Variants in CDK5RAP2 observed in about 807,000 individuals in gnomAD.
CDK5RAP2 encodes the protein CDK5 regulatory subunit-associated protein 2.
A neutral mutation model predicts 232.9 loss-of-function variants in CDK5RAP2; 147 were observed. That is an observed-to-expected ratio of 0.63 (90% confidence interval 0.55 to 0.72). The LOEUF (loss-of-function observed/expected upper bound fraction) is 0.72, where lower values mean the gene tolerates loss of function less well. Ranked by LOEUF, CDK5RAP2 falls within the 30% of genes least tolerant of loss-of-function variation. The pLI, the probability that CDK5RAP2 is intolerant of heterozygous loss-of-function variation, is 0.00. For synonymous variants in CDK5RAP2, 833 were observed against 833.7 expected, an observed-to-expected ratio of 1.00 and a Z score of 0.01; for missense variants, 2,195 against 2,231.5, an observed-to-expected ratio of 0.98 and a Z score of 0.33.
intron 12 of CDK5RAP2, among the ~76,000 whole-genome samples, chr9:120,507,494 G>C (rs948228096): frequency 7.9e-5 from 12 of 152,050 alleles, no homozygotes; most frequent in Non-Finnish European, 1.5e-4. Flanking sequence ...GAAGCTCTAG[G>C]ATTAGGAATA....
At chr9:120,443,481 G>C (rs970122794) in intron 23 of CDK5RAP2, 139 bp downstream of exon 23, 58 of 1,033,500 alleles carry the variant, frequency 5.6e-5, no homozygotes, top group Non-Finnish European at 8.4e-5. Flanking sequence ...TAAAACCTCA[G>C]CTTCCCATGT....
chr9:120,429,490 G>C (rs1411899010), intron 25 of CDK5RAP2, among the ~76,000 whole-genome samples: 1 of 152,134 alleles, frequency 6.6e-6, no homozygotes, highest in East Asian at 1.9e-4. Flanking sequence ...GCCAAATCAT[G>C]AGTGAACTCC....
chr9:120,518,761 T>C (rs747877419), intron 11 of CDK5RAP2, 116 bp from the exon 12 acceptor site: 42 of 775,658 alleles, frequency 5.4e-5, no homozygotes, highest in Admixed American at 3.3e-4. Context: ...AAGATTAACA[T>C]AGACAACATT....
At chr9:120,500,075 G>C (rs942278351) in intron 12 of CDK5RAP2, among the ~76,000 whole-genome samples, 1 of 152,202 alleles carries the variant, frequency 6.6e-6, no homozygotes, top group African/African-American at 2.4e-5. Flanking sequence ...ATAATACGGA[G>C]CTTCCAACTT....
At chr9:120,401,109 A>C in intron 34 of CDK5RAP2, 1 of 559,292 alleles carries the variant, frequency 1.8e-6, no homozygotes, top group Non-Finnish European at 3.2e-6. Context: ...AACCATGATT[A>C]ATAACCACCA....
At chr9:120,404,970 C>A (rs939599356) in intron 32 of CDK5RAP2, among the ~76,000 whole-genome samples, 2 of 152,136 alleles carry the variant, frequency 1.3e-5, no homozygotes, top group African/African-American at 2.4e-5. Flanking sequence ...GACCAAGGGG[C>A]AGAGATAGAA....
chr9:120,557,982 T>G (rs1314399457), intron 3 of CDK5RAP2, among the ~76,000 whole-genome samples: 1 of 149,216 alleles, frequency 6.7e-6, no homozygotes, highest in Non-Finnish European at 1.5e-5. Context: ...GCCAGGCTGA[T>G]CTCGAACTCC....
chr9:120,412,499 GA>G (rs1368793573), intron 28 of CDK5RAP2, among the ~76,000 whole-genome samples: 3 of 152,194 alleles, frequency 2.0e-5, no homozygotes, highest in Non-Finnish European at 4.4e-5. Flanking sequence ...AAGAGGACAG[GA>G]AAAAGCCCCA....
rs537558938 is a variant in CDK5RAP2, at chr9:120,545,744, T to C, written c.353A>G (p.Gln118Arg). 6 of 1,613,930 alleles carry C rather than the reference T, an allele frequency of 3.7e-6. No individual in the cohort carries two copies. In the South Asian group the frequency reaches 6.6e-5, roughly 18 times the overall value. ...VEVESLKREL[Q>R]EREQLLIKAS... The stretch of plus-strand genomic sequence containing the variant: ...TTTGATGAGCAGCTGCTCTCTCTCC[T>C]GGAGTTCCCGCTTCAGACTTTCTAC... The change falls in exon 5 of 38, where the codon CAG (glutamine) becomes CGG (arginine). Residue 118 changes from glutamine to arginine, a missense_variant. By Grantham distance (43) the Gln-to-Arg change is conservative. Coordinates refer to ENST00000349780, the MANE Select transcript of CDK5RAP2 (RefSeq NM_018249.6).
rs2034516085 is a variant in CDK5RAP2 at position 120,420,720 on chromosome 9, GAGCTCAGACAAC to G, written c.4005-772_4005-761del. ...CAACAGCCACAGTCTCATTATTCAT[GAGCTCAGACAAC>G]AGCAAAGACTCTAAGGCTGCAATGC... On this transcript the variant is annotated intron_variant, in intron 26 of 37. Coordinates refer to ENST00000349780, the MANE Select transcript of CDK5RAP2 (RefSeq NM_018249.6). Among the ~76,000 whole-genome samples, 7 of 152,166 alleles carry G rather than the reference GAGCTCAGACAAC, an allele frequency of 4.6e-5. No homozygotes were observed. In the South Asian group the frequency reaches 1.5e-3, roughly 32 times the overall value.
intron 35 of CDK5RAP2, among the ~76,000 whole-genome samples, chr9:120,394,957 A>G (rs1305896414): frequency 6.6e-6 from 1 of 152,246 alleles, no homozygotes; most frequent in South Asian, 2.1e-4. Flanking sequence ...ATTTCCCCCA[A>G]GGAATAATAA....
At chr9:120,429,624 G>A (rs1288808686) in intron 25 of CDK5RAP2, among the ~76,000 whole-genome samples, 1 of 152,126 alleles carries the variant, frequency 6.6e-6, no homozygotes, top group South Asian at 2.1e-4. Flanking sequence ...ACAAACAAAT[G>A]GAAGAACATT....
At chr9:120,548,821 A>G (rs1238864307) in intron 4 of CDK5RAP2, among the ~76,000 whole-genome samples, 1 of 152,268 alleles carries the variant, frequency 6.6e-6, no homozygotes, top group African/African-American at 2.4e-5. Context: ...AAAAACAAAA[A>G]GAATAAAGAA....
intron 20 of CDK5RAP2, among the ~76,000 whole-genome samples, chr9:120,455,230 C>T (rs948513654): frequency 1.3e-5 from 2 of 152,210 alleles, no homozygotes; most frequent in South Asian, 2.1e-4. Flanking sequence ...GGGCTTCTAA[C>T]ATCAGTGAGA....
chr9:120,482,841 G>A (rs755930472), intron 14 of CDK5RAP2, among the ~76,000 whole-genome samples: 4 of 152,350 alleles, frequency 2.6e-5, no homozygotes, highest in African/African-American at 4.8e-5. Flanking sequence ...AGTCTTCCTA[G>A]AAGCAAATTG....
chr9:120,448,681 C>T (rs1380827524), intron 21 of CDK5RAP2, among the ~76,000 whole-genome samples: 3 of 152,184 alleles, frequency 2.0e-5, no homozygotes, highest in South Asian at 4.1e-4. Context: ...TGCAAATCTA[C>T]GCCACTTCAA....
At chr9:120,453,429 A>G in intron 21 of CDK5RAP2, 27 bp downstream of exon 21, 7 of 1,587,080 alleles carry the variant, frequency 4.4e-6, no homozygotes, top group Non-Finnish European at 5.1e-6. Context: ...TAAAGTAAGT[A>G]CATAATTATT....
At chr9:120,506,971 G>C (rs191393316) in intron 12 of CDK5RAP2, among the ~76,000 whole-genome samples, 4 of 152,286 alleles carry the variant, frequency 2.6e-5, no homozygotes, top group Non-Finnish European at 5.9e-5. Context: ...TGGGTAAAAT[G>C]CTACAAACAG....
Position 120,458,569 on chromosome 9 carries a change from C to G in CDK5RAP2, c.2256G>C (p.Thr752=), listed in dbSNP as rs773050443. The change falls in exon 20 of 38, where the codon ACG becomes ACC. Residue 752 remains threonine (T), a synonymous_variant. Transcript: ENST00000349780. ...GGCKNGYLRH[T]ESKISDCDGA... ...CATCACAATCTGAAATCTTAGACTC[C>G]GTGTGCCTTAAGTATCCATTTTTGC... is the stretch of plus-strand genomic sequence containing the variant. The G allele has an allele frequency of 6.2e-7, 1 of 1,614,112 alleles. No individual in the cohort carries two copies. Among genetic ancestry groups the G allele is most frequent in the Non-Finnish European group, 8.5e-7 (1 of 1,179,998 alleles).
Sources: allele counts gnomAD v4.1 joint callset (sites outside exome capture counted in the v4.1 genomes callset), GRCh38; gene constraint gnomAD v4.1.1; transcripts MANE v1.5; gene names NCBI Gene and HGNC (gene_info 2026-07-23, HGNC 2026-07-21).